Variants in NDC80 observed in about 807,000 individuals in gnomAD.
The protein encoded by NDC80 is kinetochore protein NDC80 homolog.
NDC80 carries 69 observed loss-of-function variants against 89.3 expected under a neutral mutation model. That is an observed-to-expected ratio of 0.77 (90% CI 0.64 to 0.94). The LOEUF (loss-of-function observed/expected upper bound fraction) is 0.94. Among genes scored for constraint, NDC80 ranks in the 40% least tolerant of loss-of-function variants. The pLI is 0.00. For synonymous variants in NDC80, 243 were observed against 255.6 expected, an observed-to-expected ratio of 0.95 and a Z score of 0.47; for missense variants, 593 against 739.6, an observed-to-expected ratio of 0.80 and a Z score of 2.30.
At chr18:2,599,258 G>C (rs1300979525) in intron 12 of NDC80, 87 bp downstream of exon 12, 42 of 1,044,478 alleles carry the variant, frequency 4.0e-5, no homozygotes, top group Non-Finnish European at 5.1e-5. Flanking sequence ...TCATAACCCA[G>C]TACTAAACAA....
rs80170455 is a variant in NDC80 at position 2,604,218 on chromosome 18, C to T, written c.1465-2197C>T. 0.011 allele frequency among the ~76,000 whole-genome samples: 1,601 copies of T among 152,190 alleles called. 76 individuals carry two copies. In the East Asian group the frequency reaches 0.14, roughly 13 times the overall value. ...ATAGCTTTTTGTAATGTGAATACAGCGCACTGTGGATTCTCATAATACACT... is the reference window on the plus strand; with the variant it reads ...ATAGCTTTTTGTAATGTGAATACAGTGCACTGTGGATTCTCATAATACACT... On this transcript the variant is annotated intron_variant, in intron 13 of 16. Coordinates refer to ENST00000261597, the MANE Select transcript of NDC80 (RefSeq NM_006101.3).
intron 6 of NDC80, 45 bp from the exon 7 acceptor site, chr18:2,585,068 G>A: frequency 1.4e-6 from 2 of 1,477,812 alleles, no homozygotes; most frequent in Non-Finnish European, 9.4e-7. Context: ...AATGAAAGTT[G>A]TGTTTTTCAG....
rs1555618773 is a variant in NDC80, at chr18:2,603,356, C to CATATATATGTATATATATAT, written c.1464+1879_1464+1880insGTATATATATATATATATAT. Among the ~76,000 whole-genome samples, 26 of 120,800 alleles carry CATATATATGTATATATATAT rather than the reference C, an allele frequency of 2.2e-4. 1 individual carries two copies. The highest frequency in any genetic ancestry group is 4.4e-3 in the Middle Eastern group (1 of 228). The allele number at this position is 120,800 out of a possible 152,430, so 79.2% of individuals were successfully genotyped here. On this transcript the variant is annotated intron_variant, in intron 13 of 16. Transcript: ENST00000261597. The stretch of plus-strand genomic sequence containing the variant: ...AACAACAGAAGAGAATATGTTTATA[C>CATATATATGTATATATATAT]ATATATATATATATATATATATACA...
intron 12 of NDC80, among the ~76,000 whole-genome samples, chr18:2,600,321 A>T (rs1169618126): frequency 6.6e-6 from 1 of 152,148 alleles, no homozygotes; most frequent in Non-Finnish European, 1.5e-5. Context: ...TCTTTAAGAG[A>T]TTTGAGAGGC....
At chr18:2,607,723 A>AGTG (rs1474328037) in intron 14 of NDC80, among the ~76,000 whole-genome samples, 2 of 151,664 alleles carry the variant, frequency 1.3e-5, no homozygotes, top group Non-Finnish European at 2.9e-5. Context: ...GACTCGAGAG[A>AGTG]AATGTATAAA....
At chr18:2,593,284 C>T (rs1400710139) in intron 10 of NDC80, among the ~76,000 whole-genome samples, 1 of 152,026 alleles carries the variant, frequency 6.6e-6, no homozygotes, top group Non-Finnish European at 1.5e-5. Context: ...GAACTCCTGA[C>T]CTCAGGTGAT....
At chr18:2,596,434 A>G (rs1335716505) in intron 11 of NDC80, among the ~76,000 whole-genome samples, 3 of 151,790 alleles carry the variant, frequency 2.0e-5, no homozygotes, top group Admixed American at 6.6e-5. Context: ...AATGCTCACC[A>G]TCACTGGCCA....
At chr18:2,600,272 T>C (rs1318181025) in intron 12 of NDC80, among the ~76,000 whole-genome samples, 1 of 152,136 alleles carries the variant, frequency 6.6e-6, no homozygotes, top group African/African-American at 2.4e-5. Flanking sequence ...ATCAATAAGG[T>C]ACAAAGCCAA....
At chr18:2,605,493 CTGT>C (rs1287990584) in intron 13 of NDC80, among the ~76,000 whole-genome samples, 1 of 152,120 alleles carries the variant, frequency 6.6e-6, no homozygotes, top group Non-Finnish European at 1.5e-5. Context: ...ACTTGAGTAT[CTGT>C]TGTTGTTATT....
At chr18:2,595,840 G>T (rs2072652105) in intron 11 of NDC80, among the ~76,000 whole-genome samples, 1 of 152,086 alleles carries the variant, frequency 6.6e-6, no homozygotes, top group Non-Finnish European at 1.5e-5. Context: ...CAATGAAAAA[G>T]TAAACAAAAA....
intron 7 of NDC80, among the ~76,000 whole-genome samples, 167 bp from the exon 8 acceptor site, chr18:2,587,663 T>C (rs1187240066): frequency 2.0e-5 from 3 of 152,210 alleles, no homozygotes; most frequent in Non-Finnish European, 4.4e-5. Context: ...TAAGTCCATA[T>C]AGCATAATTA....
chr18:2,598,997 C>A, intron 11 of NDC80, 22 bp from the exon 12 acceptor site: 1 of 1,552,746 alleles, frequency 6.4e-7, no homozygotes, highest in South Asian at 1.3e-5. Context: ...TTTAACATGT[C>A]TTATGTGTTC....
chr18:2,612,137 A>G (rs1315624678), intron 16 of NDC80, among the ~76,000 whole-genome samples: 2 of 152,138 alleles, frequency 1.3e-5, no homozygotes, highest in Admixed American at 6.6e-5. Context: ...ATAGCATACA[A>G]TTGATGGCTT....
intron 16 of NDC80, among the ~76,000 whole-genome samples, chr18:2,615,635 C>T (rs2143680294): frequency 6.6e-6 from 1 of 152,330 alleles, no homozygotes; most frequent in East Asian, 1.9e-4. Context: ...AGGGCATGGA[C>T]ATCTTTGGAA....
chr18:2,575,522 TTGGGAGGCTGAGA>T lies in NDC80; in HGVS notation c.179+472_179+484del, dbSNP rs559943038. Among the ~76,000 whole-genome samples, 19 of 152,016 alleles carry T rather than the reference TTGGGAGGCTGAGA, an allele frequency of 1.2e-4. No homozygotes were observed. The East Asian group carries it at 2.1e-3, about 17-fold the overall frequency. ...GGCTCACACCTGTAATCCCAGCACTTTGGGAGGCTGAGATGGGAGGCTGAGATGATCTTGAGTC... is the reference window on the plus strand; with the variant it reads ...GGCTCACACCTGTAATCCCAGCACTTTGGGAGGCTGAGATGATCTTGAGTC... On this transcript the variant is annotated intron_variant, in intron 3 of 16. Transcript: ENST00000261597.
At chr18:2,582,474 G>A (rs911793008) in intron 6 of NDC80, 1 of 151,850 alleles carries the variant, frequency 6.6e-6, no homozygotes, top group Non-Finnish European at 1.5e-5. Context: ...CTATTTCCAT[G>A]GTGATTATTA....
chr18:2,578,286 G>GA lies in NDC80; in HGVS notation c.476+152dup, dbSNP rs1361316555. ...CAATATATGTAGGATAAATTGAAGA[G>GA]AAAAAAAGCAACTGCTTACAAAAAA... On this transcript the variant is annotated intron_variant, in intron 5 of 16. Coordinates refer to ENST00000261597, the MANE Select transcript of NDC80 (RefSeq NM_006101.3). The GA allele has an allele frequency of 2.1e-5, 15 of 725,314 alleles. 1 individual carries two copies. In the African/African-American group the frequency reaches 2.3e-4, roughly 11 times the overall value. 44.9% of individuals were successfully genotyped at this position (725,314 alleles called of 1,614,324 possible).
At position 2,585,218 on chromosome 18, in the gene NDC80, A is replaced by G. The variant is rs1323001701; in HGVS notation, c.669+16A>G. On this transcript the variant is annotated intron_variant, in intron 7 of 16. Coordinates refer to ENST00000261597, the MANE Select transcript of NDC80 (RefSeq NM_006101.3). Reference sequence around the variant, plus strand: ...GCATAATAAGGTACCATGTATTATCATAAACTGTAATAATGAATTGCCTTG... The same window carrying G: ...GCATAATAAGGTACCATGTATTATCGTAAACTGTAATAATGAATTGCCTTG... 4.5e-6 allele frequency: 7 copies of G among 1,550,836 alleles called. No individual in the cohort carries two copies. The highest frequency in any genetic ancestry group is 6.2e-6 in the Non-Finnish European group (7 of 1,123,426).
At position 2,577,778 on chromosome 18, in the gene NDC80, T is replaced by A; in HGVS notation, c.212T>A (p.Leu71His). 2 of 1,614,112 alleles carry A rather than the reference T, an allele frequency of 1.2e-6. No individual in the cohort carries two copies. Among genetic ancestry groups the A allele is most frequent in the Non-Finnish European group, 1.7e-6 (2 of 1,179,984 alleles). Reference protein sequence around the residue: ...TSGHGSRNSQLGIFSSSEKIK... With the variant: ...TSGHGSRNSQHGIFSSSEKIK... ...GGACATGGATCCCGGAATAGTCAAC[T>A]TGGTATATTTTCCAGTTCTGAGAAA... Residue 71 changes from leucine to histidine, a missense_variant, in exon 4 of 17, where the codon CTT becomes CAT. Transcript: ENST00000261597.
Sources: gnomAD v4.1 joint callset for allele counts (sites outside exome capture counted in the v4.1 genomes callset) on GRCh38, gnomAD v4.1.1 for gene constraint, MANE v1.5 for transcripts, NCBI Gene and HGNC (gene_info 2026-07-23, HGNC 2026-07-21) for gene names.